FAM110B: variants seen among roughly 807,000 people sequenced by gnomAD.
FAM110B encodes the protein family with sequence similarity 110 member B.
FAM110B carries 6 observed loss-of-function variants against 20.4 expected under a neutral mutation model. That is an observed-to-expected ratio of 0.29 (90% CI 0.16 to 0.58). The LOEUF (loss-of-function observed/expected upper bound fraction) is 0.58. Ranked by LOEUF, FAM110B falls within the 20% of genes least tolerant of loss-of-function variation. The pLI is 0.90. For synonymous variants in FAM110B, 226 were observed against 214.1 expected (o/e 1.06, Z -0.49); for missense variants, 434 against 498.2 (o/e 0.87, Z 1.23).
At chr8:58,031,088 CAT>C (rs528406906) in intron 1 of FAM110B, among the ~76,000 whole-genome samples, 27 of 152,332 alleles carry the variant, frequency 1.8e-4, no homozygotes, top group Middle Eastern at 3.4e-3. Context: ...CCAGCGGAAA[CAT>C]GTGTTTGTTC....
chr8:58,106,514 G>T (rs1339152733), intron 3 of FAM110B, among the ~76,000 whole-genome samples: 3 of 152,224 alleles, frequency 2.0e-5, no homozygotes, highest in African/African-American at 7.2e-5. Flanking sequence ...ATAGCTGATG[G>T]TGGGGATGTT....
At chr8:58,054,631 G>A (rs886991999) in intron 2 of FAM110B, among the ~76,000 whole-genome samples, 11 of 152,196 alleles carry the variant, frequency 7.2e-5, no homozygotes, top group African/African-American at 1.9e-4. Flanking sequence ...CAAGAACAGA[G>A]CATTTGAGAG....
At chr8:58,091,717 C>G (rs1472928971) in intron 3 of FAM110B, 1 of 152,158 alleles carries the variant, frequency 6.6e-6, no homozygotes, top group Non-Finnish European at 1.5e-5. Context: ...TACGATCCTA[C>G]TGAAACTCAT....
chr8:58,128,196 T>G (rs1236424302), intron 3 of FAM110B, among the ~76,000 whole-genome samples: 1 of 152,124 alleles, frequency 6.6e-6, no homozygotes, highest in Non-Finnish European at 1.5e-5. Context: ...ATTTAACACA[T>G]GGGAAAAGGG....
intron 3 of FAM110B, among the ~76,000 whole-genome samples, chr8:58,107,581 G>A (rs1806950260): frequency 6.6e-6 from 1 of 152,178 alleles, no homozygotes; most frequent in African/African-American, 2.4e-5. Flanking sequence ...ACTGTCTTGT[G>A]TCATTCAACC....
chr8:58,083,536 G>A (rs1371587042), intron 3 of FAM110B, among the ~76,000 whole-genome samples: 1 of 152,150 alleles, frequency 6.6e-6, no homozygotes, highest in Non-Finnish European at 1.5e-5. Context: ...TGGACTCACA[G>A]ATTCAATATT....
intron 3 of FAM110B, among the ~76,000 whole-genome samples, chr8:58,111,839 T>C (rs1807065763): frequency 6.6e-6 from 1 of 152,184 alleles, no homozygotes; most frequent in Non-Finnish European, 1.5e-5. Flanking sequence ...CACACCTAGT[T>C]TGTGCCTGGC....
chr8:58,031,455 GCAGCTGAATTAGAAA>G (rs1268948650), intron 1 of FAM110B, 136 bp from the exon 2 acceptor site: 10 of 152,178 alleles, frequency 6.6e-5, no homozygotes, highest in Non-Finnish European at 1.0e-4. Flanking sequence ...GTTTCCTGGA[GCAGCTGAATTAGAAA>G]CAGGCTTTGA....
intron 3 of FAM110B, among the ~76,000 whole-genome samples, chr8:58,138,513 G>C (rs893472487): frequency 6.6e-6 from 1 of 152,202 alleles, no homozygotes; most frequent in Non-Finnish European, 1.5e-5. Context: ...CAAGGGGCCT[G>C]TGTTGGGCTT....
intron 2 of FAM110B, among the ~76,000 whole-genome samples, chr8:58,071,260 C>T (rs967333291): frequency 3.3e-5 from 5 of 152,136 alleles, no homozygotes; most frequent in South Asian, 2.1e-4. Context: ...TCCTTCTCAG[C>T]GTCCCTTCTC....
At chr8:58,144,190 A>G (rs1331355613) in intron 3 of FAM110B, among the ~76,000 whole-genome samples, 1 of 152,032 alleles carries the variant, frequency 6.6e-6, no homozygotes, top group East Asian at 1.9e-4. Flanking sequence ...ACTTTCTGGT[A>G]TTGTCCTGGG....
rs372606139 is a variant in FAM110B at position 58,051,604 on chromosome 8, T to A, written c.-414+19901T>A. On this transcript the variant is annotated intron_variant, in intron 2 of 3. Transcript: ENST00000519262. ...GGCCGTGTGCTTGTGACTTTCAGGG[T>A]GCATTGTTCAGGTAAATTGTCAATT... Among the ~76,000 whole-genome samples, 22 of 152,262 alleles carry A rather than the reference T, an allele frequency of 1.4e-4. No individual in the cohort carries two copies. The East Asian group carries it at 2.5e-3, about 17-fold the overall frequency.
At chr8:58,001,217 A>T (rs1339672109) in intron 1 of FAM110B, among the ~76,000 whole-genome samples, 1 of 152,210 alleles carries the variant, frequency 6.6e-6, no homozygotes, top group Admixed American at 6.5e-5. Flanking sequence ...AGAGTAGTAC[A>T]GTCATATAAA....
intron 3 of FAM110B, among the ~76,000 whole-genome samples, chr8:58,136,100 C>T (rs567823180): frequency 6.6e-6 from 1 of 151,210 alleles, no homozygotes; most frequent in East Asian, 2.0e-4. Flanking sequence ...CAACCTCTGC[C>T]TCCCAGGCTC....
chr8:58,119,972 C>T (rs1387668774), intron 3 of FAM110B, among the ~76,000 whole-genome samples: 2 of 152,100 alleles, frequency 1.3e-5, no homozygotes, highest in South Asian at 2.1e-4. Flanking sequence ...GCCACAGAGC[C>T]CAGGGCCAAG....
chr8:58,025,723 C>G (rs960067542), intron 1 of FAM110B, among the ~76,000 whole-genome samples: 2 of 152,110 alleles, frequency 1.3e-5, no homozygotes, highest in Non-Finnish European at 2.9e-5. Context: ...CCAGGTGTCC[C>G]TACCTTAGCA....
At chr8:57,995,989 G>T (rs1446286783) in intron 1 of FAM110B, among the ~76,000 whole-genome samples, 1 of 151,978 alleles carries the variant, frequency 6.6e-6, no homozygotes, top group East Asian at 1.9e-4. Context: ...GGTGAAGAAG[G>T]TATTTATTAT....
chr8:58,145,696 G>A (rs536548878), intron 3 of FAM110B, among the ~76,000 whole-genome samples: 9 of 152,226 alleles, frequency 5.9e-5, no homozygotes, highest in Non-Finnish European at 1.2e-4. Flanking sequence ...CTTTCTTCCC[G>A]GCACAGCGTT....
intron 1 of FAM110B, among the ~76,000 whole-genome samples, chr8:58,008,945 C>G (rs940350068): frequency 2.0e-5 from 3 of 152,222 alleles, no homozygotes; most frequent in African/African-American, 7.2e-5. Context: ...TGGCTCCTCT[C>G]TATTTCTGGG....
Sources: allele counts gnomAD v4.1 joint callset (sites outside exome capture counted in the v4.1 genomes callset), GRCh38; gene constraint gnomAD v4.1.1; transcripts MANE v1.5; gene names NCBI Gene and HGNC (gene_info 2026-07-23, HGNC 2026-07-21).